WFDC5: variants seen among roughly 807,000 people sequenced by gnomAD.
WFDC5 encodes the protein WAP four-disulfide core domain 5, also known as WAP four-disulfide core domain protein 5.
Under a neutral mutation model 15.7 loss-of-function variants are expected in WFDC5, and 15 were observed. That is an observed-to-expected ratio of 0.96 (90% CI 0.64 to 1.47). The LOEUF (loss-of-function observed/expected upper bound fraction) is 1.47. Among genes scored for constraint, WFDC5 ranks in the 40% most tolerant of loss-of-function variants. WFDC5 has a pLI of 0.00. For synonymous variants in WFDC5, 109 were observed against 107.7 expected (o/e 1.01, Z -0.07); for missense variants, 280 against 258.0 (o/e 1.09, Z -0.59).
exon 3 of WFDC5, chr20:45,110,434 G>T (rs373684757): frequency 3.1e-6 from 5 of 1,611,840 alleles, no homozygotes; most frequent in Non-Finnish European, 3.4e-6. Flanking sequence ...GCCCGCAGGC[G>T]CTGTGGCAGC....
chr20:45,114,396 G>T (rs938786802), intron 1 of WFDC5, among the ~76,000 whole-genome samples: 3 of 152,182 alleles, frequency 2.0e-5, no homozygotes. Flanking sequence ...GAGGTTGGGG[G>T]CGATGAGAGT....
chr20:45,114,061 A>C (rs1292981001), intron 1 of WFDC5, among the ~76,000 whole-genome samples: 1 of 152,324 alleles, frequency 6.6e-6, no homozygotes, highest in East Asian at 1.9e-4. Flanking sequence ...CTCATCTGCA[A>C]AATGGGGATG....
At chr20:45,111,046 T>C (rs540276018) in intron 1 of WFDC5, among the ~76,000 whole-genome samples, 74 of 152,220 alleles carry the variant, frequency 4.9e-4, no homozygotes, top group Non-Finnish European at 7.5e-4. Flanking sequence ...AATAAGGCCA[T>C]GCCTGGTCTG....
At chr20:45,110,764 C>T (rs1187154037) in exon 2 of WFDC5, 1 of 1,614,026 alleles carries the variant, frequency 6.2e-7, no homozygotes, top group South Asian at 1.1e-5. Flanking sequence ...GGCGGGCAGC[C>T]CCCCGATTTC....
intron 1 of WFDC5, among the ~76,000 whole-genome samples, chr20:45,112,019 G>A (rs1367236312): frequency 2.6e-5 from 4 of 152,180 alleles, no homozygotes; most frequent in African/African-American, 9.7e-5. Flanking sequence ...GGTGCTGGCT[G>A]CACACATAAG....
chr20:45,110,804 TGGAGGAAGCTCACG>T (rs760586327), intron 1 of WFDC5, 29 bp from the exon 2 acceptor site: 29 of 1,612,322 alleles, frequency 1.8e-5, no homozygotes, highest in Non-Finnish European at 2.4e-5. Context: ...ATATTGCAGC[TGGAGGAAGCTCACG>T]GTTATGTAAT....
chr20:45,110,732 T>G, exon 2 of WFDC5: 1 of 1,614,142 alleles, frequency 6.2e-7, no homozygotes, highest in South Asian at 1.1e-5. Context: ...CAGGCACCGA[T>G]AGGAGGCAGG....
At position 45,110,823 on chromosome 20, in the gene WFDC5, T is replaced by C. The variant is rs374682351; in HGVS notation, c.86-48A>G. On this transcript the variant is annotated intron_variant, in intron 1 of 3. Transcript: ENST00000307971. The stretch of plus-strand genomic sequence containing the variant: ...TGCAGCTGGAGGAAGCTCACGGTTA[T>C]GTAATAAGCGCTGACCTGGGAATGA... 41 of 1,609,300 alleles carry C rather than the reference T, an allele frequency of 2.5e-5. No homozygotes were observed. In the African/African-American group the frequency reaches 5.2e-4, roughly 20 times the overall value.
intron 3 of WFDC5, 176 bp downstream of exon 3, chr20:45,110,224 C>T: frequency 8.0e-7 from 1 of 1,252,720 alleles, no homozygotes; most frequent in Non-Finnish European, 1.1e-6. Flanking sequence ...CCAAGGACTC[C>T]CGGGTCCTCT....
exon 4 of WFDC5, chr20:45,109,537 G>C: frequency 1.8e-6 from 1 of 570,540 alleles, no homozygotes; most frequent in Non-Finnish European, 3.2e-6. Context: ...TGGTGGTACA[G>C]GCAGCGTGCA....
intron 3 of WFDC5, 89 bp from the exon 4 acceptor site, chr20:45,110,102 A>G: frequency 3.9e-6 from 6 of 1,533,448 alleles, no homozygotes; most frequent in Non-Finnish European, 5.3e-6. Flanking sequence ...CCACCAGCTC[A>G]GCTCTGGTTG....
chr20:45,112,399 T>G (rs897952987), intron 1 of WFDC5, among the ~76,000 whole-genome samples: 34 of 152,226 alleles, frequency 2.2e-4, no homozygotes, highest in African/African-American at 7.9e-4. Flanking sequence ...AGCTGGCATT[T>G]CCAGTGGAAG....
chr20:45,110,903 T>TTTTG (rs960538474), intron 1 of WFDC5, 128 bp from the exon 2 acceptor site: 77 of 1,304,556 alleles, frequency 5.9e-5, no homozygotes, highest in Non-Finnish European at 7.3e-5. Context: ...TAGTTGTTAT[T>TTTTG]TTTGTTTGTT....
At chr20:45,110,762 G>A in exon 2 of WFDC5, 1 of 1,614,046 alleles carries the variant, frequency 6.2e-7, no homozygotes, top group Non-Finnish European at 8.5e-7. Flanking sequence ...CTGGCGGGCA[G>A]CCCCCCGATT....
chr20:45,115,106 C>A (rs760735381), exon 1 of WFDC5: 1 of 1,606,324 alleles, frequency 6.2e-7, no homozygotes, highest in Non-Finnish European at 8.5e-7. Context: ...GGCTCAGGGC[C>A]CAGGGCCCCC....
upstream of WFDC5, among the ~76,000 whole-genome samples, chr20:45,115,503 G>C (rs1489830882): frequency 6.6e-6 from 1 of 152,150 alleles, no homozygotes; most frequent in Non-Finnish European, 1.5e-5. Context: ...CAAAGGAGTG[G>C]GGGTTTGCAG....
upstream of WFDC5, chr20:45,115,281 G>A (rs1423479506): frequency 2.0e-5 from 11 of 554,892 alleles, no homozygotes; most frequent in African/African-American, 9.4e-5. Context: ...ATAGGGTGGC[G>A]GCACATCCTG....
In WFDC5 at chr20:45,110,388, C is replaced by T. The variant is rs1360615202; in HGVS notation, c.379G>A (p.Gly127Arg). The stretch of plus-strand genomic sequence containing the variant: ...AGGGGAGGCACCTGCCCTGGGCACC[C>T]AGGAGCCGTACCTCTGGCAGGATCC... The change falls in exon 3 of 4, where the codon GGG (glycine) becomes AGG (arginine). Residue 127 changes from glycine to arginine, a missense_variant. Gly to Arg is a moderately radical substitution (Grantham distance 125). Transcript: ENST00000307971. 3 of 1,590,958 alleles carry T rather than the reference C, an allele frequency of 1.9e-6. No homozygotes were observed. Among genetic ancestry groups the T allele is most frequent in the Admixed American group, 1.8e-5 (1 of 55,524 alleles).
chr20:45,109,762 G>A (rs1161523731), exon 4 of WFDC5: 1 of 719,886 alleles, frequency 1.4e-6, no homozygotes, highest in Middle Eastern at 2.3e-4. Context: ...GTATGGCAGT[G>A]GTGCAGAGTA....
Sources: allele counts gnomAD v4.1 joint callset (sites outside exome capture counted in the v4.1 genomes callset), GRCh38; gene constraint gnomAD v4.1.1; transcripts MANE v1.5; gene names NCBI Gene and HGNC (gene_info 2026-07-23, HGNC 2026-07-21).